Variants in AREL1 observed in about 807,000 individuals in gnomAD.
AREL1 encodes apoptosis-resistant E3 ubiquitin protein ligase 1.
A neutral mutation model predicts 99.0 loss-of-function variants in AREL1; 62 were observed. The observed-to-expected ratio is 0.63, with a 90% CI of 0.51 to 0.77. AREL1 has a LOEUF of 0.77. Ranked by LOEUF, AREL1 falls within the 30% of genes least tolerant of loss-of-function variation. The pLI is 0.00. For missense variants in AREL1, 879 were observed against 1,027.6 expected (o/e 0.86, Z 1.98); for synonymous variants, 380 against 376.5 (o/e 1.01, Z -0.11).
chr14:74,711,061 G>A (rs1053805643), intron 1 of AREL1, among the ~76,000 whole-genome samples: 6 of 150,076 alleles, frequency 4.0e-5, no homozygotes, highest in Admixed American at 6.7e-5. Flanking sequence ...GAGAAACCCC[G>A]TCTCTACTAA....
intron 5 of AREL1, among the ~76,000 whole-genome samples, chr14:74,680,230 A>G (rs2089600106): frequency 6.6e-6 from 1 of 152,060 alleles, no homozygotes; most frequent in Non-Finnish European, 1.5e-5. Flanking sequence ...AAAGAAAAGA[A>G]AAGAAAATGG....
Position 74,670,689 on chromosome 14 carries a change from A to G in AREL1, c.1608+73T>C, listed in dbSNP as rs2089314515. 14 of 1,334,774 alleles carry G rather than the reference A, an allele frequency of 1.0e-5. No homozygotes were observed. In the South Asian group the frequency reaches 1.5e-4, roughly 14 times the overall value. The allele number at this position is 1,334,774 out of a possible 1,614,324, so 82.7% of individuals were successfully genotyped here. ...GTTGTCAGGTTCCCAGATCAGTTTC[A>G]TAATTTTGAATCCTTGTTAGTCTAC... is the stretch of plus-strand genomic sequence containing the variant. On this transcript the variant is annotated intron_variant, in intron 13 of 19. Transcript: ENST00000356357.
At chr14:74,678,196 A>C in intron 5 of AREL1, 1 of 455,110 alleles carries the variant, frequency 2.2e-6, no homozygotes, top group Admixed American at 2.4e-5. Flanking sequence ...AAGACTTATT[A>C]TAAGAGCTAC....
At chr14:74,704,536 G>A (rs2090141062) in intron 1 of AREL1, among the ~76,000 whole-genome samples, 1 of 152,094 alleles carries the variant, frequency 6.6e-6, no homozygotes, top group Non-Finnish European at 1.5e-5. Flanking sequence ...ATCTCGGTAG[G>A]CAGGGGATGA....
At chr14:74,672,026 G>A (rs1216543641) in intron 11 of AREL1, 3 of 454,392 alleles carry the variant, frequency 6.6e-6, no homozygotes, top group African/African-American at 6.0e-5. Context: ...CATTCCTGGG[G>A]AATGTAAGAA....
At chr14:74,664,767 T>C (rs2089174666) in intron 18 of AREL1, 69 bp downstream of exon 18, 6 of 1,465,882 alleles carry the variant, frequency 4.1e-6, no homozygotes, top group Admixed American at 1.7e-5. Context: ...CCTCCTCTAC[T>C]TTTTTCTTCT....
chr14:74,705,284 C>T (rs2139987889), intron 1 of AREL1, among the ~76,000 whole-genome samples: 1 of 152,324 alleles, frequency 6.6e-6, no homozygotes, highest in South Asian at 2.1e-4. Context: ...GGTGATTCGC[C>T]CACCTCAGCC....
intron 1 of AREL1, among the ~76,000 whole-genome samples, chr14:74,702,349 G>A (rs951385309): frequency 7.2e-5 from 11 of 152,202 alleles, no homozygotes; most frequent in African/African-American, 2.7e-4. Flanking sequence ...CTCAGTTCTT[G>A]ACTTCTGTGC....
chr14:74,677,944 ACAAAAAAAC>A (rs2089531382), intron 5 of AREL1, among the ~76,000 whole-genome samples: 1 of 152,232 alleles, frequency 6.6e-6, no homozygotes, highest in African/African-American at 2.4e-5. Context: ...AAGAAATAAA[ACAAAAAAAC>A]CAACAAACAA....
At chr14:74,667,825 G>A (rs989847656) in intron 15 of AREL1, among the ~76,000 whole-genome samples, 2 of 152,192 alleles carry the variant, frequency 1.3e-5, no homozygotes, top group African/African-American at 2.4e-5. Context: ...ATGGGTGCCT[G>A]GGTAAGGTCT....
At chr14:74,687,648 C>T (rs762644132) in intron 2 of AREL1, among the ~76,000 whole-genome samples, 1 of 152,096 alleles carries the variant, frequency 6.6e-6, no homozygotes, top group Non-Finnish European at 1.5e-5. Context: ...TAAAGGAGTG[C>T]CAGTTTCCTT....
chr14:74,679,474 AT>A (rs1365227865), intron 5 of AREL1, among the ~76,000 whole-genome samples: 4 of 152,206 alleles, frequency 2.6e-5, no homozygotes, highest in African/African-American at 4.8e-5. Flanking sequence ...TGCAGACCAT[AT>A]GTTTAACAAA....
chr14:74,662,883 C>A lies in AREL1; in HGVS notation c.*837G>T, dbSNP rs1334875361. On this transcript the variant is annotated 3_prime_UTR_variant, in exon 20 of 20. Transcript: ENST00000356357. ...TGGGGAAGTCAGTGGCCCAAGCCGG[C>A]CATACTTCAGTGCCAATAACAAACT... 2 of 335,624 alleles carry A rather than the reference C, an allele frequency of 6.0e-6. No homozygotes were observed. Among genetic ancestry groups the A allele is most frequent in the African/African-American group, 2.1e-5 (1 of 47,336 alleles). 20.8% of individuals were successfully genotyped at this position (335,624 alleles called of 1,614,324 possible).
intron 5 of AREL1, among the ~76,000 whole-genome samples, chr14:74,680,745 A>G (rs1423163699): frequency 6.6e-6 from 1 of 152,224 alleles, no homozygotes; most frequent in African/African-American, 2.4e-5. Flanking sequence ...AAATGCTCCA[A>G]AATCCAAAAC....
chr14:74,663,885 G>A lies in AREL1; in HGVS notation c.2369+14C>T, dbSNP rs184450822. On this transcript the variant is annotated intron_variant, in intron 19 of 19. Transcript: ENST00000356357. ...CAAAAACACTGGGCATGCATCAGGC[G>A]GGCAGATACCTACCATGTGTGTGCA... 7 of 1,614,126 alleles carry A rather than the reference G, an allele frequency of 4.3e-6. No homozygotes were observed. The highest frequency in any genetic ancestry group is 4.5e-5 in the East Asian group (2 of 44,870).
At chr14:74,676,473 C>T (rs1194384129) in intron 6 of AREL1, 110 bp downstream of exon 6, 3 of 1,434,102 alleles carry the variant, frequency 2.1e-6, no homozygotes, top group East Asian at 2.3e-5. Context: ...ATACAGACAG[C>T]ACAGAAGTCA....
rs2089894403 is a variant in AREL1 at position 74,692,109 on chromosome 14, G to T, written c.-114C>A. 2 of 434,492 alleles carry T rather than the reference G, an allele frequency of 4.6e-6. No individual in the cohort carries two copies. The highest frequency in any genetic ancestry group is 4.1e-5 in the African/African-American group (2 of 48,200). 26.9% of individuals were successfully genotyped at this position (434,492 alleles called of 1,614,324 possible). ...CTATTCACCAAAGCAGGTAACTTTT[G>T]GCCCCTTTCACCTTGTCTTCCAACT... On this transcript the variant is annotated 5_prime_UTR_variant, in exon 2 of 20. Coordinates refer to ENST00000356357, the MANE Select transcript of AREL1 (RefSeq NM_001039479.2).
chr14:74,671,533 T>A, intron 11 of AREL1, 50 bp from the exon 12 acceptor site: 1 of 1,312,856 alleles, frequency 7.6e-7, no homozygotes, highest in Non-Finnish European at 1.1e-6. Context: ...GCTGGTGTCC[T>A]CTGGATGTTA....
intron 5 of AREL1, among the ~76,000 whole-genome samples, chr14:74,679,475 T>C (rs1316316124): frequency 6.6e-6 from 1 of 152,176 alleles, no homozygotes; most frequent in African/African-American, 2.4e-5. Context: ...GCAGACCATA[T>C]GTTTAACAAA....
Sources: gnomAD v4.1 joint callset for allele counts (sites outside exome capture counted in the v4.1 genomes callset) on GRCh38, gnomAD v4.1.1 for gene constraint, MANE v1.5 for transcripts, NCBI Gene and HGNC (gene_info 2026-07-23, HGNC 2026-07-21) for gene names.